The following ZNF362 variants were observed in gnomAD, a reference collection of about 807,000 sequenced individuals.
ZNF362 encodes zinc finger protein 362.
Under a neutral mutation model 42.9 loss-of-function variants are expected in ZNF362, and 11 were observed. The ratio of observed to expected loss-of-function variants is 0.26; its 90% CI spans 0.16 to 0.42. ZNF362 has a LOEUF of 0.42. Among genes scored for constraint, ZNF362 ranks in the 20% least tolerant of loss-of-function variants. The probability of loss-of-function intolerance (pLI) is 1.00; values close to 1 mark genes in which losing one functional copy is unlikely to be tolerated. For missense variants in ZNF362, 362 were observed against 576.2 expected (o/e 0.63, Z 3.81); for synonymous variants, 255 against 257.3 (o/e 0.99, Z 0.09).
the ZNF362 span, chr1:33,147,133 A>G: frequency 6.3e-7 from 1 of 1,588,578 alleles, no homozygotes; most frequent in Non-Finnish European, 8.6e-7. This position sits in a 1 kb window ranked among gnomAD's most constrained non-coding sequence, Gnocchi z 8.1. Context: ...GGGCTCTTGC[A>G]GGTGGCAGTG....
the ZNF362 span, among the ~76,000 whole-genome samples, chr1:33,183,955 C>A: frequency 2.1e-4 from 32 of 151,588 alleles, no homozygotes; most frequent in Middle Eastern, 6.8e-3. Flanking sequence ...AGAATCCCAA[C>A]TGATATACTG....
chr1:33,218,258 T>A, the ZNF362 span, among the ~76,000 whole-genome samples: 1 of 152,076 alleles, frequency 6.6e-6, no homozygotes, highest in Non-Finnish European at 1.5e-5. Flanking sequence ...CTGGGCAACA[T>A]AGGGAGATAC....
the ZNF362 span, among the ~76,000 whole-genome samples, chr1:33,224,825 A>T: frequency 0.01 from 1,551 of 152,350 alleles, 25 homozygotes; most frequent in African/African-American, 0.036. Flanking sequence ...ATACAGAATG[A>T]ATACGAAGAA....
chr1:33,263,615 TG>T (rs2148067452), intron 1 of ZNF362, among the ~76,000 whole-genome samples: 1 of 152,312 alleles, frequency 6.6e-6, no homozygotes, highest in East Asian at 1.9e-4. Context: ...TTTGCCATGT[TG>T]GTCAGGCTGG....
chr1:33,127,611 T>G, the ZNF362 span, among the ~76,000 whole-genome samples: 7 of 152,218 alleles, frequency 4.6e-5, no homozygotes, highest in Non-Finnish European at 8.8e-5. Context: ...GTGGGCTTAT[T>G]TGCGCATCAG....
At chr1:33,165,614 C>T in the ZNF362 span, 1 of 1,523,316 alleles carries the variant, frequency 6.6e-7, no homozygotes, top group Non-Finnish European at 8.9e-7. This position sits in a 1 kb window ranked among gnomAD's most constrained non-coding sequence, Gnocchi z 4.0. Flanking sequence ...ATGCCTGGCC[C>T]AGGCATTCAG....
chr1:33,298,463 T>TA (rs886640460), intron 8 of ZNF362, among the ~76,000 whole-genome samples: 91 of 152,336 alleles, frequency 6.0e-4, no homozygotes, highest in African/African-American at 2.2e-3. Context: ...GTTCCTCCCC[T>TA]ATGCCTGCTT....
In ZNF362 at chr1:33,281,674, C is replaced by T. The variant is rs766119033; in HGVS notation, c.771C>T (p.Cys257=). Residue 257 remains cysteine (C), a synonymous_variant, in exon 6 of 9, where the codon TGC becomes TGT. Transcript: ENST00000539719. This position sits in a 1 kb window ranked among gnomAD's most constrained non-coding sequence, Gnocchi z 4.8. ...ACACAGAGGCCAAGCCCCACAAGTGCCCGCACTGCTCCAAGTCCTTTGCCA... is the reference window on the plus strand; with the variant it reads ...ACACAGAGGCCAAGCCCCACAAGTGTCCGCACTGCTCCAAGTCCTTTGCCA... ...KSHTEAKPHK[C]PHCSKSFANA... is the part of the protein sequence containing the mutation. The T allele has an allele frequency of 9.3e-6, 15 of 1,614,142 alleles. No individual in the cohort carries two copies. The highest frequency in any genetic ancestry group is 2.7e-5 in the African/African-American group (2 of 74,950).
chr1:33,147,210 A>C, the ZNF362 span: 32 of 1,613,846 alleles, frequency 2.0e-5, no homozygotes, highest in African/African-American at 3.5e-4. The surrounding 1 kb of genome is among the most constrained non-coding windows in gnomAD (Gnocchi z 8.1). Context: ...GCAGCGGCTG[A>C]ACGTTCTTGC....
the ZNF362 span, among the ~76,000 whole-genome samples, chr1:33,135,370 C>A: frequency 6.6e-6 from 1 of 152,172 alleles, no homozygotes; most frequent in Non-Finnish European, 1.5e-5. Context: ...CATGTGCTTC[C>A]CCACAAGCAA....
At chr1:33,145,615 G>A in the ZNF362 span, 2 of 243,640 alleles carry the variant, frequency 8.2e-6, no homozygotes, top group Non-Finnish European at 1.6e-5. Context: ...TTGGGATGGT[G>A]TGTTGTGTCA....
the ZNF362 span, among the ~76,000 whole-genome samples, chr1:33,196,753 C>T: frequency 6.6e-6 from 1 of 152,102 alleles, no homozygotes; most frequent in Non-Finnish European, 1.5e-5. Flanking sequence ...ATGTGCTAGA[C>T]TTTTATATGA....
intron 1 of ZNF362, among the ~76,000 whole-genome samples, chr1:33,263,025 C>G (rs961461980): frequency 6.6e-6 from 1 of 152,270 alleles, no homozygotes; most frequent in Admixed American, 6.5e-5. Flanking sequence ...TGCACATTCT[C>G]CCACACGCAT....
chr1:33,155,363 G>C, the ZNF362 span, among the ~76,000 whole-genome samples: 3 of 152,036 alleles, frequency 2.0e-5, no homozygotes, highest in Admixed American at 6.5e-5. Flanking sequence ...GAGCCACCAT[G>C]CCCGGCCTCC....
chr1:33,189,709 G>GTGTATATA, the ZNF362 span, among the ~76,000 whole-genome samples: 21 of 12,446 alleles, frequency 1.7e-3, 1 homozygote, highest in East Asian at 0.035. Context: ...ACATATATAC[G>GTGTATATA]TATATATATA....
chr1:33,222,237 C>T, the ZNF362 span, among the ~76,000 whole-genome samples: 1 of 152,270 alleles, frequency 6.6e-6, no homozygotes, highest in African/African-American at 2.4e-5. Context: ...TATACCTTCC[C>T]CATACTTCCC....
the ZNF362 span, among the ~76,000 whole-genome samples, chr1:33,213,208 C>T: frequency 8.6e-5 from 13 of 151,996 alleles, no homozygotes; most frequent in Admixed American, 5.9e-4. Context: ...TGCAGTGGTG[C>T]GATCTTGGCT....
At chr1:33,140,212 AC>A in the ZNF362 span, among the ~76,000 whole-genome samples, 1 of 152,200 alleles carries the variant, frequency 6.6e-6, no homozygotes, top group Non-Finnish European at 1.5e-5. The surrounding 1 kb of genome is among the most constrained non-coding windows in gnomAD (Gnocchi z 4.0). Context: ...AGGGATGCTT[AC>A]GGTGGCGATG....
At chr1:33,239,118 C>T in the ZNF362 span, among the ~76,000 whole-genome samples, 1 of 152,194 alleles carries the variant, frequency 6.6e-6, no homozygotes, top group African/African-American at 2.4e-5. Flanking sequence ...CAATTTGTGT[C>T]TGTGGCACTA....
Sources: allele counts gnomAD v4.1 joint callset (sites outside exome capture counted in the v4.1 genomes callset), GRCh38; gene constraint gnomAD v4.1.1; non-coding constraint Gnocchi (gnomAD v3.1); transcripts MANE v1.5; gene names NCBI Gene and HGNC (gene_info 2026-07-23, HGNC 2026-07-21).